GALNT18: variants seen among roughly 807,000 people sequenced by gnomAD.
GALNT18 encodes GalNAc-transferase 18.
A neutral mutation model predicts 69.5 loss-of-function variants in GALNT18; 44 were observed. The observed-to-expected ratio is 0.63, with a 90% CI of 0.50 to 0.81. The LOEUF (loss-of-function observed/expected upper bound fraction) is 0.81, where lower values mean the gene tolerates loss of function less well. Ranked by LOEUF, GALNT18 falls within the 40% of genes least tolerant of loss-of-function variation. The pLI is 0.00. For synonymous variants in GALNT18, 364 were observed against 318.2 expected (o/e 1.14, Z -1.53); for missense variants, 715 against 810.0 (o/e 0.88, Z 1.42).
chr11:11,487,604 G>A (rs1170368107), intron 1 of GALNT18, among the ~76,000 whole-genome samples: 3 of 151,888 alleles, frequency 2.0e-5, no homozygotes, highest in South Asian at 2.1e-4. Flanking sequence ...CCTCTCATTC[G>A]AGTCCCTGCA....
At chr11:11,296,332 G>A (rs987883642) in intron 9 of GALNT18, among the ~76,000 whole-genome samples, 1 of 152,176 alleles carries the variant, frequency 6.6e-6, no homozygotes, top group African/African-American at 2.4e-5. Context: ...AGACTGCCCT[G>A]AATATTCAAC....
Position 11,523,853 on chromosome 11 carries a change from A to G in GALNT18, c.236-74917T>C, listed in dbSNP as rs1428587900. ...TTAAAGGACACTGGGAAGCTCATGGAATTGCCAAGAGAGGTAGCGAACCAG... is the reference window on the plus strand; with the variant it reads ...TTAAAGGACACTGGGAAGCTCATGGGATTGCCAAGAGAGGTAGCGAACCAG... On this transcript the variant is annotated intron_variant, in intron 1 of 10. Coordinates refer to ENST00000227756, the MANE Select transcript of GALNT18 (RefSeq NM_198516.3). The surrounding 1 kb of genome is among the most constrained non-coding windows in gnomAD (Gnocchi z 4.3). Among the ~76,000 whole-genome samples, 1 of 152,168 alleles carries G rather than the reference A, an allele frequency of 6.6e-6. No individual in the cohort carries two copies. Among genetic ancestry groups the G allele is most frequent in the Non-Finnish European group, 1.5e-5 (1 of 68,018 alleles).
At chr11:11,498,476 G>A (rs1371733059) in intron 1 of GALNT18, among the ~76,000 whole-genome samples, 8 of 152,184 alleles carry the variant, frequency 5.3e-5, no homozygotes, top group African/African-American at 1.9e-4. Context: ...TAGAAGAGTC[G>A]AGAAAACTCA....
chr11:11,277,719 T>TAGAA (rs1848980653), intron 10 of GALNT18, among the ~76,000 whole-genome samples: 1 of 152,320 alleles, frequency 6.6e-6, no homozygotes, highest in South Asian at 2.1e-4. Context: ...CTCATTGGTT[T>TAGAA]CAAAGAACAT....
At chr11:11,411,065 C>T (rs1480849918) in intron 3 of GALNT18, among the ~76,000 whole-genome samples, 4 of 152,216 alleles carry the variant, frequency 2.6e-5, no homozygotes, top group African/African-American at 9.6e-5. Flanking sequence ...GTAATCCCAG[C>T]ACTTTGGGAA....
At chr11:11,462,573 A>G (rs1260780567) in intron 1 of GALNT18, among the ~76,000 whole-genome samples, 1 of 152,084 alleles carries the variant, frequency 6.6e-6, no homozygotes, top group Non-Finnish European at 1.5e-5. Context: ...GATTTCAGGC[A>G]TAAGCCACCG....
chr11:11,367,074 G>C lies in GALNT18; in HGVS notation c.1092+5441C>G, dbSNP rs556781110. On this transcript the variant is annotated intron_variant, in intron 6 of 10. Transcript: ENST00000227756. ...GCTCCCAAGGTCCAAAGTGGAGCCA[G>C]TCAGCTTCACTTCCTCCTGTCCTAG... Among the ~76,000 whole-genome samples the C allele has an allele frequency of 1.6e-4, 25 of 152,322 alleles. No individual in the cohort carries two copies. The South Asian group carries it at 4.8e-3, about 29-fold the overall frequency.
intron 1 of GALNT18, among the ~76,000 whole-genome samples, chr11:11,569,159 A>C (rs1367330963): frequency 6.6e-6 from 1 of 151,782 alleles, no homozygotes; most frequent in African/African-American, 2.4e-5. Flanking sequence ...GAATGTAACA[A>C]GGTAGATTCA....
intron 10 of GALNT18, among the ~76,000 whole-genome samples, chr11:11,275,937 C>T (rs1029894704): frequency 1.3e-5 from 2 of 152,134 alleles, no homozygotes; most frequent in African/African-American, 4.8e-5. Flanking sequence ...TTACTGTAGC[C>T]TTGTAGTATA....
At chr11:11,468,727 G>C (rs1856208062) in intron 1 of GALNT18, among the ~76,000 whole-genome samples, 1 of 152,106 alleles carries the variant, frequency 6.6e-6, no homozygotes, top group South Asian at 2.1e-4. Flanking sequence ...TTTCAAACAG[G>C]ATGCTCGCTA....
intron 1 of GALNT18, among the ~76,000 whole-genome samples, chr11:11,545,418 G>A (rs1858030086): frequency 6.6e-6 from 1 of 152,244 alleles, no homozygotes. Context: ...GCCCCCAGGA[G>A]CCAAACCCCA....
chr11:11,293,533 CTTTT>C lies in GALNT18; in HGVS notation c.1513-344_1513-341del, dbSNP rs34166465. The stretch of plus-strand genomic sequence containing the variant: ...TTCTTCACCCAGTTTACAAACCCCT[CTTTT>C]TTTTTTTTTTTTTTTTTTTTGGAGA... On this transcript the variant is annotated intron_variant, in intron 9 of 10. Transcript: ENST00000227756. Among the ~76,000 whole-genome samples the C allele has an allele frequency of 7.0e-4, 56 of 80,188 alleles. 1 individual carries two copies. Among genetic ancestry groups the C allele is most frequent in the African/African-American group, 2.4e-3 (47 of 19,972 alleles). The allele number at this position is 80,188 out of a possible 152,430, so 52.6% of individuals were successfully genotyped here.
At chr11:11,277,830 C>T (rs1035128666) in intron 10 of GALNT18, among the ~76,000 whole-genome samples, 1 of 152,110 alleles carries the variant, frequency 6.6e-6, no homozygotes, top group African/African-American at 2.4e-5. Context: ...TTTCTTAATC[C>T]TGAGTTCTAA....
At chr11:11,411,304 C>T (rs1406951240) in intron 3 of GALNT18, among the ~76,000 whole-genome samples, 3 of 152,124 alleles carry the variant, frequency 2.0e-5, no homozygotes, top group African/African-American at 7.2e-5. Flanking sequence ...ATTTTTTTCC[C>T]GCTGTCTACA....
chr11:11,557,159 T>C (rs955041645), intron 1 of GALNT18, among the ~76,000 whole-genome samples: 2 of 152,182 alleles, frequency 1.3e-5, no homozygotes, highest in Non-Finnish European at 2.9e-5. Flanking sequence ...TGCCTCCAGA[T>C]CCTTGCAGGT....
At chr11:11,532,881 A>G (rs1347359285) in intron 1 of GALNT18, among the ~76,000 whole-genome samples, 1 of 152,270 alleles carries the variant, frequency 6.6e-6, no homozygotes, top group Non-Finnish European at 1.5e-5. Context: ...ATTTGCAGAC[A>G]GTCTATGCTG....
At chr11:11,443,748 G>T (rs964018158) in intron 2 of GALNT18, among the ~76,000 whole-genome samples, 1 of 152,242 alleles carries the variant, frequency 6.6e-6, no homozygotes, top group African/African-American at 2.4e-5. Flanking sequence ...GCCCCACATG[G>T]ATGAGGTCCA....
chr11:11,336,721 C>T (rs1850120548), intron 7 of GALNT18, among the ~76,000 whole-genome samples: 2 of 152,180 alleles, frequency 1.3e-5, no homozygotes, highest in African/African-American at 4.8e-5. Context: ...CATGCATCCT[C>T]CTTCTTTTCC....
Position 11,432,811 on chromosome 11 carries a change from A to G in GALNT18, c.429-24T>C, listed in dbSNP as rs770633659. 6.2e-7 allele frequency: 1 copy of G among 1,607,314 alleles called. No homozygotes were observed. Among genetic ancestry groups the G allele is most frequent in the Admixed American group, 1.7e-5 (1 of 59,840 alleles). ...ACCTGCAAAGAACAGCCAAGCGCTT[A>G]GATTTGTGACTCAGCTGGAGTCATC... On this transcript the variant is annotated intron_variant, in intron 2 of 10. Coordinates refer to ENST00000227756, the MANE Select transcript of GALNT18 (RefSeq NM_198516.3). The surrounding 1 kb of genome is among the most constrained non-coding windows in gnomAD (Gnocchi z 5.8).
Sources: gnomAD v4.1 joint callset for allele counts (sites outside exome capture counted in the v4.1 genomes callset) on GRCh38, gnomAD v4.1.1 for gene constraint, Gnocchi (gnomAD v3.1) non-coding constraint, MANE v1.5 for transcripts, NCBI Gene and HGNC (gene_info 2026-07-23, HGNC 2026-07-21) for gene names.